Variants in SH3PXD2B observed in about 807,000 individuals in gnomAD.
SH3PXD2B encodes the protein SH3 and PX domain-containing protein 2B.
Under a neutral mutation model 73.1 loss-of-function variants are expected in SH3PXD2B, and 37 were observed. The observed-to-expected ratio is 0.51, with a 90% CI of 0.39 to 0.67. The LOEUF is 0.67. Ranked by LOEUF, SH3PXD2B falls within the 30% of genes least tolerant of loss-of-function variation. The probability of loss-of-function intolerance (pLI) is 0.00; values close to 1 mark genes in which losing one functional copy is unlikely to be tolerated. For synonymous variants in SH3PXD2B, 457 were observed against 480.5 expected (o/e 0.95, Z 0.64); for missense variants, 1,053 against 1,197.8 (o/e 0.88, Z 1.78).
chr5:172,406,413 G>A, intron 2 of SH3PXD2B, 61 bp from the exon 3 acceptor site: 1 of 1,553,298 alleles, frequency 6.4e-7, no homozygotes. Context: ...CATCATCTAG[G>A]ACATTTTAAA....
In SH3PXD2B at chr5:172,333,929, G is replaced by A. The variant is rs1274894393; in HGVS notation, c.*4440C>T. 17 of 1,248,782 alleles carry A rather than the reference G, an allele frequency of 1.4e-5. No homozygotes were observed. Among genetic ancestry groups the A allele is most frequent in the Non-Finnish European group, 1.7e-5 (17 of 975,892 alleles). The allele number at this position is 1,248,782 out of a possible 1,614,324, so 77.4% of individuals were successfully genotyped here. On this transcript the variant is annotated 3_prime_UTR_variant, in exon 13 of 13. Transcript: ENST00000311601. Reference sequence around the variant, plus strand: ...AAGGCATACATGGGCACACACTGGGGTAAAATGTGGACACCATCGTTGCAT... The same window carrying A: ...AAGGCATACATGGGCACACACTGGGATAAAATGTGGACACCATCGTTGCAT...
In SH3PXD2B at chr5:172,336,507, C is replaced by G. The variant is rs139756702; in HGVS notation, c.*1862G>C. On this transcript the variant is annotated 3_prime_UTR_variant, in exon 13 of 13. Transcript: ENST00000311601. ...ACAGGTGATCAGAGGAAGCTCCTCA[C>G]GCAGAAGCAGCCAGCACCCACGTGA... 2.1e-5 allele frequency: 21 copies of G among 978,582 alleles called. No homozygotes were observed. The highest frequency in any genetic ancestry group is 2.5e-5 in the Non-Finnish European group (21 of 828,170). 60.6% of individuals were successfully genotyped at this position (978,582 alleles called of 1,614,324 possible). A position where few individuals can be genotyped will look rare whatever the true frequency, so the allele number is the denominator to read the frequency against.
chr5:172,347,213 G>A, intron 11 of SH3PXD2B, 70 bp downstream of exon 11: 2 of 1,472,452 alleles, frequency 1.4e-6, no homozygotes, highest in South Asian at 1.1e-5. Flanking sequence ...AGGGGTGTGT[G>A]AGGGGCTAGT....
In SH3PXD2B at chr5:172,440,850, G is replaced by C. The variant is rs548353425; in HGVS notation, c.75+13428C>G. On this transcript the variant is annotated intron_variant, in intron 1 of 12. Transcript: ENST00000311601. ...CTACAAGACTTAAGTGGGGGTCCTAGAGAAGCTAGTTAGGAGGCTCAGTTT... is the reference window on the plus strand; with the variant it reads ...CTACAAGACTTAAGTGGGGGTCCTACAGAAGCTAGTTAGGAGGCTCAGTTT... Among the ~76,000 whole-genome samples, 5 of 152,300 alleles carry C rather than the reference G, an allele frequency of 3.3e-5. No homozygotes were observed. The East Asian group carries it at 9.6e-4, about 29-fold the overall frequency.
intron 2 of SH3PXD2B, among the ~76,000 whole-genome samples, chr5:172,417,091 T>G (rs919156657): frequency 2.0e-5 from 3 of 152,178 alleles, no homozygotes; most frequent in African/African-American, 4.8e-5. Context: ...TTCCTCTGCC[T>G]GAATGTCCTG....
rs761141004 is a variant in SH3PXD2B at position 172,353,395 on chromosome 5, T to C, written c.785+493A>G. Among the ~76,000 whole-genome samples the C allele has an allele frequency of 1.3e-4, 20 of 152,196 alleles. No homozygotes were observed. Among genetic ancestry groups the C allele is most frequent in the Non-Finnish European group, 2.2e-4 (15 of 68,040 alleles). ...ACCCTGCCTGCCTGGGAGGCTCTGA[T>C]ATCATCACATAGGTGAAAGGGCTGT... On this transcript the variant is annotated intron_variant, in intron 9 of 12. Coordinates refer to ENST00000311601, the MANE Select transcript of SH3PXD2B (RefSeq NM_001017995.3). The surrounding 1 kb of genome is among the most constrained non-coding windows in gnomAD (Gnocchi z 4.3).
chr5:172,364,639 T>A (rs1757471765), intron 6 of SH3PXD2B, among the ~76,000 whole-genome samples: 1 of 152,092 alleles, frequency 6.6e-6, no homozygotes, highest in Non-Finnish European at 1.5e-5. Flanking sequence ...CACTCCAGCC[T>A]GGGTGACAGA....
chr5:172,452,211 C>T (rs58609594), intron 1 of SH3PXD2B, among the ~76,000 whole-genome samples: 8 of 152,098 alleles, frequency 5.3e-5, no homozygotes, highest in Non-Finnish European at 8.8e-5. Flanking sequence ...ACAGCTACAA[C>T]CTGGGAGGCC....
At position 172,368,500 on chromosome 5, in the gene SH3PXD2B, A is replaced by ATATATATATATAAAATATATATAT. The variant is rs1757589462; in HGVS notation, c.427+5266_427+5289dup. On this transcript the variant is annotated intron_variant, in intron 6 of 12. Coordinates refer to ENST00000311601, the MANE Select transcript of SH3PXD2B (RefSeq NM_001017995.3). ...TATATATAAAATATATATATATTAT[A>ATATATATATATAAAATATATATAT]TATATATATATAAAATATATATATA... 2.6e-4 allele frequency among the ~76,000 whole-genome samples: 5 copies of ATATATATATATAAAATATATATAT among 19,148 alleles called. 1 individual carries two copies. Among genetic ancestry groups the ATATATATATATAAAATATATATAT allele is most frequent in the Non-Finnish European group, 3.1e-4 (4 of 12,868 alleles). The allele number at this position is 19,148 out of a possible 152,430, so 12.6% of individuals were successfully genotyped here.
chr5:172,386,582 A>G (rs1169214418), intron 4 of SH3PXD2B, among the ~76,000 whole-genome samples: 1 of 95,538 alleles, frequency 1.0e-5, no homozygotes, highest in African/African-American at 5.7e-5. Context: ...TTGTTGTTTT[A>G]TTGTTTTTAT....
intron 2 of SH3PXD2B, among the ~76,000 whole-genome samples, chr5:172,413,442 C>A (rs1758749018): frequency 6.6e-6 from 1 of 152,222 alleles, no homozygotes; most frequent in African/African-American, 2.4e-5. Context: ...CAGTTCAACC[C>A]CCTTACTACT....
intron 1 of SH3PXD2B, among the ~76,000 whole-genome samples, chr5:172,443,345 G>A (rs115380912): frequency 0.02 from 3,086 of 152,312 alleles, 96 homozygotes; most frequent in African/African-American, 0.063. Context: ...TCAGTCGGAG[G>A]TTAGTGAAAA....
chr5:172,334,293 T>A lies in SH3PXD2B; in HGVS notation c.*4076A>T. Reference sequence around the variant, plus strand: ...AGGCAAGGACTGTGGAGCCTCCGGTTCCAGCTCTGCAGCTCTGCCTGGGAC... The same window carrying A: ...AGGCAAGGACTGTGGAGCCTCCGGTACCAGCTCTGCAGCTCTGCCTGGGAC... On this transcript the variant is annotated 3_prime_UTR_variant, in exon 13 of 13. Coordinates refer to ENST00000311601, the MANE Select transcript of SH3PXD2B (RefSeq NM_001017995.3). 1 of 1,000,552 alleles carries A rather than the reference T, an allele frequency of 1.0e-6. No individual in the cohort carries two copies. Among genetic ancestry groups the A allele is most frequent in the Non-Finnish European group, 1.2e-6 (1 of 841,378 alleles). 62.0% of individuals were successfully genotyped at this position (1,000,552 alleles called of 1,614,324 possible). A position where few individuals can be genotyped will look rare whatever the true frequency, so the allele number is the denominator to read the frequency against.
chr5:172,372,930 G>C (rs958693762), intron 6 of SH3PXD2B, among the ~76,000 whole-genome samples: 4 of 152,154 alleles, frequency 2.6e-5, no homozygotes, highest in Non-Finnish European at 5.9e-5. Context: ...GGATGATCTT[G>C]GGTGGCAGGA....
At chr5:172,340,245 A>G (rs1397959886) in intron 12 of SH3PXD2B, among the ~76,000 whole-genome samples, 1 of 152,206 alleles carries the variant, frequency 6.6e-6, no homozygotes, top group African/African-American at 2.4e-5. Flanking sequence ...GAGGCCAATT[A>G]TGAGCAAGTT....
Position 172,336,267 on chromosome 5 carries a change from A to G in SH3PXD2B, c.*2102T>C, listed in dbSNP as rs1756687897. On this transcript the variant is annotated 3_prime_UTR_variant, in exon 13 of 13. Transcript: ENST00000311601. Reference sequence around the variant, plus strand: ...TAGCTTCACAAAAGTTGTTTAAACCAAAGTGGATCAAGAACTCAGGAAAAC... The same window carrying G: ...TAGCTTCACAAAAGTTGTTTAAACCGAAGTGGATCAAGAACTCAGGAAAAC... 1.0e-6 allele frequency: 1 copy of G among 985,530 alleles called. No homozygotes were observed. Among genetic ancestry groups the G allele is most frequent in the Non-Finnish European group, 1.2e-6 (1 of 829,956 alleles). 61.0% of individuals were successfully genotyped at this position (985,530 alleles called of 1,614,324 possible).
At chr5:172,428,441 A>C (rs1759154813) in intron 1 of SH3PXD2B, among the ~76,000 whole-genome samples, 2 of 152,254 alleles carry the variant, frequency 1.3e-5, no homozygotes, top group African/African-American at 4.8e-5. Flanking sequence ...GCTGATGAAA[A>C]TGCACGGCAA....
Position 172,357,986 on chromosome 5 carries a change from T to C in SH3PXD2B, c.667+787A>G, listed in dbSNP as rs142558032. Reference sequence around the variant, plus strand: ...AACTGTTACTGGTCATTTATTGTTCTAGGTTCTTTGCATGTGGATCTCATT... The same window carrying C: ...AACTGTTACTGGTCATTTATTGTTCCAGGTTCTTTGCATGTGGATCTCATT... On this transcript the variant is annotated intron_variant, in intron 8 of 12. Coordinates refer to ENST00000311601, the MANE Select transcript of SH3PXD2B (RefSeq NM_001017995.3). 1.8e-3 allele frequency among the ~76,000 whole-genome samples: 276 copies of C among 152,382 alleles called. 2 individuals are homozygous for C. The highest frequency in any genetic ancestry group is 6.4e-3 in the African/African-American group (265 of 41,592).
At chr5:172,394,178 C>A (rs1480041430) in intron 4 of SH3PXD2B, among the ~76,000 whole-genome samples, 1 of 152,200 alleles carries the variant, frequency 6.6e-6, no homozygotes, top group Non-Finnish European at 1.5e-5. Context: ...CTCCTGACTT[C>A]AAGTGATCCA....
Sources: gnomAD v4.1 joint callset for allele counts (sites outside exome capture counted in the v4.1 genomes callset) on GRCh38, gnomAD v4.1.1 for gene constraint, Gnocchi (gnomAD v3.1) non-coding constraint, MANE v1.5 for transcripts, NCBI Gene and HGNC (gene_info 2026-07-23, HGNC 2026-07-21) for gene names.